BBX: variants seen among roughly 807,000 people sequenced by gnomAD.
The protein encoded by BBX is HMG box transcription factor BBX.
A neutral mutation model predicts 100.2 loss-of-function variants in BBX; 30 were observed. That is an observed-to-expected ratio of 0.30 (90% CI 0.22 to 0.41). The LOEUF (loss-of-function observed/expected upper bound fraction) is 0.41, where lower values mean the gene tolerates loss of function less well. BBX is among the 10% of genes least tolerant of loss of function. The probability of loss-of-function intolerance (pLI) is 1.00; values close to 1 mark genes in which losing one functional copy is unlikely to be tolerated. For synonymous variants in BBX, 376 were observed against 388.1 expected, an observed-to-expected ratio of 0.97 and a Z score of 0.37; for missense variants, 1,023 against 1,129.8, an observed-to-expected ratio of 0.91 and a Z score of 1.35.
rs1336236161 is a variant in BBX, at chr3:107,558,194, AG to A, written c.-84+31801del. 2.0e-5 allele frequency among the ~76,000 whole-genome samples: 3 copies of A among 152,216 alleles called. No homozygotes were observed. The East Asian group carries it at 5.8e-4, about 29-fold the overall frequency. ...GGCACCTTAGAGTTGTCACTAAGAA[AG>A]GGGGCTATCTTGGCCGGGCGCAGTG... On this transcript the variant is annotated intron_variant, in intron 2 of 17. Transcript: ENST00000325805.
At chr3:107,722,519 T>C (rs1251298121) in intron 5 of BBX, among the ~76,000 whole-genome samples, 2 of 152,014 alleles carry the variant, frequency 1.3e-5, no homozygotes, top group Non-Finnish European at 2.9e-5. Flanking sequence ...TTCGCCCTTA[T>C]AGCCAAATGA....
rs555319885 is a variant in BBX, at chr3:107,635,477, C to T, written c.-83-10359C>T. On this transcript the variant is annotated intron_variant, in intron 2 of 17. Coordinates refer to ENST00000325805, the MANE Select transcript of BBX (RefSeq NM_001142568.3). The stretch of plus-strand genomic sequence containing the variant: ...GTTTTAGAAGTCAAATTAACATTTG[C>T]CAGTTTTTAGTATTTGTGTTGAAAC... Among the ~76,000 whole-genome samples, 572 of 152,198 alleles carry T rather than the reference C, an allele frequency of 3.8e-3. 2 individuals carry two copies. The highest frequency in any genetic ancestry group is 0.013 in the African/African-American group (536 of 41,522).
At chr3:107,648,178 A>G (rs552400374) in intron 3 of BBX, among the ~76,000 whole-genome samples, 1 of 152,192 alleles carries the variant, frequency 6.6e-6, no homozygotes, top group East Asian at 1.9e-4. Context: ...TCTGTTTAAC[A>G]TGTCAAATTG....
chr3:107,712,592 C>T (rs2061795361), intron 4 of BBX, among the ~76,000 whole-genome samples: 2 of 152,188 alleles, frequency 1.3e-5, no homozygotes, highest in Non-Finnish European at 2.9e-5. Context: ...AGTTTTGTTG[C>T]CCTTTTAACA....
chr3:107,632,988 G>A (rs528374614), intron 2 of BBX, among the ~76,000 whole-genome samples: 7 of 152,256 alleles, frequency 4.6e-5, no homozygotes, highest in Admixed American at 3.3e-4. Flanking sequence ...CAAAACTGAT[G>A]TACATAGAGA....
intron 10 of BBX, among the ~76,000 whole-genome samples, chr3:107,756,818 A>G (rs1357086265): frequency 3.9e-5 from 6 of 152,318 alleles, no homozygotes; most frequent in African/African-American, 1.4e-4. Context: ...TGAAGACAGC[A>G]GGGAATAGTT....
In BBX at chr3:107,584,137, T is replaced by C. The variant is rs1248620228; in HGVS notation, c.-84+57739T>C. Among the ~76,000 whole-genome samples the C allele has an allele frequency of 5.5e-3, 129 of 23,602 alleles. 17 individuals are homozygous for C. Among genetic ancestry groups the C allele is most frequent in the African/African-American group, 0.021 (123 of 5,866 alleles). 15.5% of individuals were successfully genotyped at this position (23,602 alleles called of 152,430 possible). A position where few individuals can be genotyped will look rare whatever the true frequency, so the allele number is the denominator to read the frequency against. ...TATATATAATATATATATTATTATATATATTATATATAATATATGATATAT... is the reference window on the plus strand; with the variant it reads ...TATATATAATATATATATTATTATACATATTATATATAATATATGATATAT... On this transcript the variant is annotated intron_variant, in intron 2 of 17. Transcript: ENST00000325805.
intron 2 of BBX, among the ~76,000 whole-genome samples, chr3:107,579,034 C>G (rs1187902493): frequency 6.6e-6 from 1 of 152,096 alleles, no homozygotes; most frequent in East Asian, 1.9e-4. Context: ...CCCTCTTGTT[C>G]TATATTCCAG....
At chr3:107,657,789 C>G (rs1443625575) in intron 3 of BBX, among the ~76,000 whole-genome samples, 1 of 151,994 alleles carries the variant, frequency 6.6e-6, no homozygotes, top group Non-Finnish European at 1.5e-5. Context: ...GGTAGAGATT[C>G]AGACTGAACA....
intron 2 of BBX, among the ~76,000 whole-genome samples, chr3:107,640,665 G>C (rs573352929): frequency 1.3e-5 from 2 of 151,714 alleles, no homozygotes; most frequent in Non-Finnish European, 3.0e-5. Flanking sequence ...CTGTTTTGTT[G>C]TTGTTGTTGT....
chr3:107,646,933 C>T (rs2057553447), intron 3 of BBX, among the ~76,000 whole-genome samples: 1 of 152,066 alleles, frequency 6.6e-6, no homozygotes, highest in Non-Finnish European at 1.5e-5. Flanking sequence ...TCCTAAAAGT[C>T]ATTGTCTAGG....
chr3:107,771,759 A>G (rs958758244), intron 10 of BBX, among the ~76,000 whole-genome samples: 6 of 152,232 alleles, frequency 3.9e-5, no homozygotes, highest in Admixed American at 2.6e-4. Flanking sequence ...TTGTGGACCT[A>G]TAATGTTTTG....
intron 4 of BBX, among the ~76,000 whole-genome samples, chr3:107,714,710 C>A (rs558392299): frequency 1.3e-5 from 2 of 152,182 alleles, no homozygotes; most frequent in East Asian, 3.9e-4. Flanking sequence ...ATGGCTATGA[C>A]CTCAAGATTT....
chr3:107,575,827 G>T (rs1447725769), intron 2 of BBX, among the ~76,000 whole-genome samples: 1 of 152,182 alleles, frequency 6.6e-6, no homozygotes, highest in Non-Finnish European at 1.5e-5. Flanking sequence ...ATGTGTGCCA[G>T]AAATGATAGT....
rs544174606 is a variant in BBX, at chr3:107,608,982, A to G, written c.-83-36854A>G. Among the ~76,000 whole-genome samples the G allele has an allele frequency of 6.6e-5, 10 of 152,294 alleles. 1 individual carries two copies. The highest frequency in any genetic ancestry group is 1.9e-4 in the African/African-American group (8 of 41,574). ...GGAATCTTTAGGTTTTTCAAAATAT[A>G]TGATCATATCATCTGCAAACAAGGA... is the stretch of plus-strand genomic sequence containing the variant. On this transcript the variant is annotated intron_variant, in intron 2 of 17. Transcript: ENST00000325805.
Position 107,688,053 on chromosome 3 carries a change from G to GA in BBX, c.-9-22390dup, listed in dbSNP as rs910735832. On this transcript the variant is annotated intron_variant, in intron 3 of 17. Transcript: ENST00000325805. ...CTGCGTGATGAGCGAAACTCCATCT[G>GA]AAAAAAAAAGAAGAAAAATACAAAA... Among the ~76,000 whole-genome samples the GA allele has an allele frequency of 4.7e-5, 7 of 149,854 alleles. No homozygotes were observed. The South Asian group carries it at 6.4e-4, about 14-fold the overall frequency.
At position 107,744,766 on chromosome 3, in the gene BBX, T is replaced by C. The variant is rs189435984; in HGVS notation, c.750+56T>C. On this transcript the variant is annotated intron_variant, in intron 8 of 17. Transcript: ENST00000325805. ...GAGGAAATTGTAAAGTGGGCTTAAA[T>C]TGGGGCTGATAACAGTAACTGAAAG... is the stretch of plus-strand genomic sequence containing the variant. 2.5e-5 allele frequency: 35 copies of C among 1,381,366 alleles called. No homozygotes were observed. In the African/African-American group the frequency reaches 3.6e-4, roughly 14 times the overall value. The allele number at this position is 1,381,366 out of a possible 1,614,324, so 85.6% of individuals were successfully genotyped here.
intron 2 of BBX, among the ~76,000 whole-genome samples, chr3:107,564,369 A>T (rs1169220656): frequency 2.6e-5 from 4 of 152,128 alleles, no homozygotes; most frequent in African/African-American, 9.7e-5. Context: ...TTGTAGTGTC[A>T]TGTCTCATGG....
chr3:107,700,095 A>G (rs535371224), intron 3 of BBX, among the ~76,000 whole-genome samples: 1 of 152,066 alleles, frequency 6.6e-6, no homozygotes, highest in South Asian at 2.1e-4. Flanking sequence ...GTACAAAGAA[A>G]GAGGACTAGC....
Sources: allele counts gnomAD v4.1 joint callset (sites outside exome capture counted in the v4.1 genomes callset), GRCh38; gene constraint gnomAD v4.1.1; transcripts MANE v1.5; gene names NCBI Gene and HGNC (gene_info 2026-07-23, HGNC 2026-07-21).